The following GRID2 variants were observed in gnomAD, a reference collection of about 807,000 sequenced individuals.
The protein encoded by GRID2 is glutamate receptor ionotropic, delta-2.
GRID2 carries 33 observed loss-of-function variants against 114.8 expected under a neutral mutation model. The ratio of observed to expected loss-of-function variants is 0.29; its 90% CI spans 0.22 to 0.38. The LOEUF (loss-of-function observed/expected upper bound fraction) is 0.38. GRID2 is among the 10% of genes least tolerant of loss of function. The pLI, the probability that GRID2 is intolerant of heterozygous loss-of-function variation, is 1.00. For missense variants in GRID2, 1,184 were observed against 1,257.7 expected, an observed-to-expected ratio of 0.94 and a Z score of 0.89; for synonymous variants, 505 against 449.9, an observed-to-expected ratio of 1.12 and a Z score of -1.55.
intron 2 of GRID2, among the ~76,000 whole-genome samples, chr4:92,592,916 A>G (rs561622896): frequency 1.1e-3 from 165 of 152,174 alleles, no homozygotes; most frequent in Non-Finnish European, 1.9e-3. Context: ...ATTTTCTTCA[A>G]TGTTTTGAGG....
At chr4:92,464,988 A>ACT (rs1476900321) in intron 1 of GRID2, among the ~76,000 whole-genome samples, 14 of 151,024 alleles carry the variant, frequency 9.3e-5, no homozygotes, top group South Asian at 2.1e-4. Context: ...TTCCCTCTTC[A>ACT]CTCTCTCTCT....
intron 10 of GRID2, among the ~76,000 whole-genome samples, chr4:93,453,316 A>AGAGAGAGAG (rs1553932509): frequency 7.9e-6 from 1 of 127,210 alleles, no homozygotes; most frequent in East Asian, 3.0e-4. Flanking sequence ...AGAGATGGGA[A>AGAGAGAGAG]AGAGAGAGAG....
chr4:93,101,975 C>T (rs927507211), intron 3 of GRID2, among the ~76,000 whole-genome samples: 1 of 152,076 alleles, frequency 6.6e-6, no homozygotes. Flanking sequence ...TTAATTTCTT[C>T]CACTAAACTG....
intron 1 of GRID2, among the ~76,000 whole-genome samples, chr4:93,805,830 C>T (rs78071228): frequency 6.6e-6 from 1 of 152,152 alleles, no homozygotes; most frequent in African/African-American, 2.4e-5. Context: ...AGTGTGGTGG[C>T]TCACGCCTGT....
At chr4:93,385,975 A>C (rs1318430411) in intron 8 of GRID2, among the ~76,000 whole-genome samples, 1 of 152,176 alleles carries the variant, frequency 6.6e-6, no homozygotes, top group Non-Finnish European at 1.5e-5. Flanking sequence ...TATATGTTAG[A>C]TATAAATTTT....
intron 1 of GRID2, among the ~76,000 whole-genome samples, chr4:92,441,259 ATT>A (rs1733056774): frequency 6.6e-6 from 1 of 152,046 alleles, no homozygotes; most frequent in African/African-American, 2.4e-5. Flanking sequence ...TTTTATGAGA[ATT>A]ATGCCGAGAT....
At chr4:92,693,290 A>C (rs1734268084) in intron 2 of GRID2, among the ~76,000 whole-genome samples, 1 of 152,152 alleles carries the variant, frequency 6.6e-6, no homozygotes, top group Non-Finnish European at 1.5e-5. Context: ...CTTGAAAATA[A>C]AATTTATAAA....
In GRID2 at chr4:93,773,652, C is replaced by T. The variant is rs1734258314; in HGVS notation, c.*1154C>T. The T allele has an allele frequency of 1.3e-5, 2 of 152,176 alleles. No homozygotes were observed. Among genetic ancestry groups the T allele is most frequent in the South Asian group, 2.1e-4 (1 of 4,822 alleles). 9.4% of individuals were successfully genotyped at this position (152,176 alleles called of 1,614,324 possible). A position where few individuals can be genotyped will look rare whatever the true frequency, so the allele number is the denominator to read the frequency against. On this transcript the variant is annotated 3_prime_UTR_variant, in exon 16 of 16. Transcript: ENST00000282020. ...ACATAGATCATTGAAGGTTAAAAAT[C>T]CTCTTCCAAAGCAGCAAGTCAATCA... is the stretch of plus-strand genomic sequence containing the variant.
chr4:92,330,038 C>T (rs1726802689), intron 1 of GRID2, among the ~76,000 whole-genome samples: 2 of 135,594 alleles, frequency 1.5e-5, no homozygotes, highest in South Asian at 2.5e-4. Context: ...ACATGCTAGA[C>T]ATTTTGAAGA....
intron 3 of GRID2, among the ~76,000 whole-genome samples, chr4:93,105,776 C>G (rs1190234631): frequency 6.6e-6 from 1 of 152,186 alleles, no homozygotes; most frequent in East Asian, 1.9e-4. Flanking sequence ...CCCTTTGATG[C>G]TCCTGTTCTG....
chr4:93,304,270 A>G (rs1369370469), intron 8 of GRID2, among the ~76,000 whole-genome samples: 2 of 148,082 alleles, frequency 1.4e-5, no homozygotes, highest in East Asian at 3.9e-4. Flanking sequence ...ATATATATAT[A>G]TATATATATA....
At chr4:92,581,379 C>T (rs1004434157) in intron 1 of GRID2, among the ~76,000 whole-genome samples, 1 of 152,020 alleles carries the variant, frequency 6.6e-6, no homozygotes, top group African/African-American at 2.4e-5. Context: ...TTACTATGCT[C>T]CATGTGGATG....
chr4:93,725,769 C>G (rs1380808259), intron 14 of GRID2, among the ~76,000 whole-genome samples: 1 of 152,110 alleles, frequency 6.6e-6, no homozygotes, highest in African/African-American at 2.4e-5. Context: ...CTTTTGACTG[C>G]ATAAATGTCT....
intron 1 of GRID2, among the ~76,000 whole-genome samples, chr4:92,415,108 A>G (rs1220611514): frequency 2.0e-5 from 3 of 152,082 alleles, no homozygotes; most frequent in African/African-American, 7.2e-5. Flanking sequence ...AAAAATAAAA[A>G]GCAAATTTTA....
intron 6 of GRID2, among the ~76,000 whole-genome samples, chr4:93,222,879 G>A (rs1402837990): frequency 3.3e-5 from 5 of 151,818 alleles, no homozygotes; most frequent in African/African-American, 7.3e-5. Flanking sequence ...TGTTTATTGC[G>A]GCACTACTCA....
chr4:92,425,267 A>G (rs1205314058), intron 1 of GRID2, among the ~76,000 whole-genome samples: 2 of 152,030 alleles, frequency 1.3e-5, no homozygotes, highest in African/African-American at 4.8e-5. Flanking sequence ...TAGATATGGC[A>G]ATTAATCACT....
chr4:93,085,352 A>G, intron 3 of GRID2, 73 bp downstream of exon 3: 2 of 1,172,398 alleles, frequency 1.7e-6, no homozygotes, highest in African/African-American at 1.5e-5. Context: ...AAATCTTAAA[A>G]GTTTCAAGGG....
intron 2 of GRID2, among the ~76,000 whole-genome samples, chr4:92,738,134 G>T (rs920818872): frequency 6.6e-6 from 1 of 152,070 alleles, no homozygotes; most frequent in Non-Finnish European, 1.5e-5. Context: ...GTGTGAGATG[G>T]TATCTCATTG....
chr4:92,852,863 T>C (rs1379021491), intron 2 of GRID2, among the ~76,000 whole-genome samples: 2 of 151,958 alleles, frequency 1.3e-5, no homozygotes, highest in African/African-American at 2.4e-5. Flanking sequence ...TTTTTACCCT[T>C]CCTTAAATTT....
Sources: gnomAD v4.1 joint callset for allele counts (sites outside exome capture counted in the v4.1 genomes callset) on GRCh38, gnomAD v4.1.1 for gene constraint, MANE v1.5 for transcripts, NCBI Gene and HGNC (gene_info 2026-07-23, HGNC 2026-07-21) for gene names.